Variants in COL9A1 observed in about 807,000 individuals in gnomAD.
The protein encoded by COL9A1 is collagen type IX alpha 1 chain.
A neutral mutation model predicts 142.6 loss-of-function variants in COL9A1; 104 were observed. That is an observed-to-expected ratio of 0.73 (90% CI 0.62 to 0.86). The LOEUF (loss-of-function observed/expected upper bound fraction) is 0.86, where lower values mean the gene tolerates loss of function less well. Among genes scored for constraint, COL9A1 ranks in the 40% least tolerant of loss-of-function variants. The probability of loss-of-function intolerance (pLI) is 0.00; values close to 1 mark genes in which losing one functional copy is unlikely to be tolerated. For missense variants in COL9A1, 1,210 were observed against 1,176.6 expected (o/e 1.03, Z -0.42); for synonymous variants, 466 against 396.0 (o/e 1.18, Z -2.10).
At chr6:70,289,905 C>T (rs1773594022) in intron 5 of COL9A1, among the ~76,000 whole-genome samples, 1 of 152,092 alleles carries the variant, frequency 6.6e-6, no homozygotes, top group African/African-American at 2.4e-5. Context: ...TGGAAGTTAG[C>T]GTGATTCAAT....
chr6:70,255,234 A>T (rs767927402), intron 22 of COL9A1, 31 bp from the exon 23 acceptor site: 1 of 1,613,236 alleles, frequency 6.2e-7, no homozygotes, highest in East Asian at 2.2e-5. Context: ...AATAGACAAG[A>T]CATGTTCAGT....
At chr6:70,235,409 T>C (rs12153902) in intron 33 of COL9A1, among the ~76,000 whole-genome samples, 54,543 of 151,758 alleles carry the variant, frequency 0.36, 11,834 homozygotes, top group Non-Finnish European at 0.5. Context: ...GCGGAGATCG[T>C]GCCACTGTAC....
intron 37 of COL9A1, among the ~76,000 whole-genome samples, chr6:70,220,946 A>T (rs546896150): frequency 1.3e-5 from 2 of 152,202 alleles, no homozygotes; most frequent in Non-Finnish European, 2.9e-5. Context: ...ATACAAAGAA[A>T]TGATAAATGT....
chr6:70,255,037 A>C, intron 23 of COL9A1, 21 bp from the exon 24 acceptor site: 2 of 1,613,924 alleles, frequency 1.2e-6, no homozygotes, highest in Non-Finnish European at 1.7e-6. Context: ...ACAAAGAAAC[A>C]TACTGTCTCT....
chr6:70,275,217 G>C (rs1296654419), intron 10 of COL9A1: 1 of 162,332 alleles, frequency 6.2e-6, no homozygotes, highest in African/African-American at 2.4e-5. Context: ...CTTTCTACAT[G>C]ACAACAATGT....
chr6:70,288,227 G>T (rs1159059691), intron 5 of COL9A1, among the ~76,000 whole-genome samples: 1 of 152,046 alleles, frequency 6.6e-6, no homozygotes, highest in Admixed American at 6.5e-5. Flanking sequence ...CTAAAGTAAT[G>T]GTGTCATCTT....
At chr6:70,221,017 C>T (rs530924223) in intron 37 of COL9A1, among the ~76,000 whole-genome samples, 130 of 152,046 alleles carry the variant, frequency 8.6e-4, no homozygotes, top group African/African-American at 2.9e-3. Context: ...TCTATTGAAA[C>T]ATTACTACAT....
In COL9A1 at chr6:70,283,188, G is replaced by A. The variant is rs1773283828; in HGVS notation, c.781-270C>T. The A allele has an allele frequency of 1.3e-5, 19 of 1,484,876 alleles. 1 individual carries two copies. In the South Asian group the frequency reaches 2.5e-4, roughly 20 times the overall value. 92.0% of individuals were successfully genotyped at this position (1,484,876 alleles called of 1,614,324 possible). Reference sequence around the variant, plus strand: ...CCCCGGGAGTAGCGGTTGCCAAAGCGTCCAGGCCCGGGAGGCGCGCGTTCC... The same window carrying A: ...CCCCGGGAGTAGCGGTTGCCAAAGCATCCAGGCCCGGGAGGCGCGCGTTCC... On this transcript the variant is annotated intron_variant, in intron 6 of 37. Transcript: ENST00000357250.
Position 70,281,419 on chromosome 6 carries a change from G to A in COL9A1, c.847C>T (p.Pro283Ser), listed in dbSNP as rs1038310229. Reference protein sequence around the residue: ...EQGPPGPPGPPGVPGIDGIDG... With the variant: ...EQGPPGPPGPSGVPGIDGIDG... ...ATGCCATCGATGCCTGGAACTCCAGGGGGGCCCGGAGGCCCGGGAGGACCC... is the reference window on the plus strand; with the variant it reads ...ATGCCATCGATGCCTGGAACTCCAGAGGGGCCCGGAGGCCCGGGAGGACCC... Residue 283 changes from proline (P) to serine (S), a missense_variant, in exon 8 of 38, where the codon CCT becomes TCT. Coordinates refer to ENST00000357250, the MANE Select transcript of COL9A1 (RefSeq NM_001851.6). 1.2e-6 allele frequency: 2 copies of A among 1,613,646 alleles called. No individual in the cohort carries two copies. The highest frequency in any genetic ancestry group is 1.3e-5 in the African/African-American group (1 of 74,874).
chr6:70,275,832 C>G (rs1437398269), intron 10 of COL9A1, among the ~76,000 whole-genome samples: 2 of 152,048 alleles, frequency 1.3e-5, no homozygotes, highest in South Asian at 4.2e-4. Context: ...GAAGAAGACC[C>G]AAACAATATT....
chr6:70,289,604 A>T (rs1453793302), intron 5 of COL9A1, among the ~76,000 whole-genome samples: 1 of 152,290 alleles, frequency 6.6e-6, no homozygotes, highest in East Asian at 1.9e-4. Context: ...ATCAAATCAA[A>T]ATTTTATAAA....
At chr6:70,254,621 G>T (rs1210143804) in intron 24 of COL9A1, 92 bp from the exon 25 acceptor site, 2 of 1,234,508 alleles carry the variant, frequency 1.6e-6, no homozygotes, top group African/African-American at 1.5e-5. Flanking sequence ...TTAAGTAAAA[G>T]GATTGTCCCA....
chr6:70,254,708 T>G (rs1210271943), intron 24 of COL9A1, 179 bp from the exon 25 acceptor site: 4 of 686,800 alleles, frequency 5.8e-6, no homozygotes, highest in Non-Finnish European at 1.0e-5. Flanking sequence ...AGGACATAAT[T>G]CAACCAAAAT....
intron 2 of COL9A1, 73 bp from the exon 3 acceptor site, chr6:70,300,459 A>G (rs1562334545): frequency 1.7e-6 from 1 of 571,688 alleles, no homozygotes; most frequent in Non-Finnish European, 2.7e-6. Flanking sequence ...AAATAAAATA[A>G]AATAATAATA....
At chr6:70,302,459 C>T (rs570737126) in intron 1 of COL9A1, among the ~76,000 whole-genome samples, 26 of 152,162 alleles carry the variant, frequency 1.7e-4, no homozygotes, top group Admixed American at 3.3e-4. Context: ...TCGCCCGCCT[C>T]GGCCTCCCAA....
chr6:70,241,703 A>G lies in COL9A1; in HGVS notation c.1999-249T>C, dbSNP rs190286630. 2.6e-5 allele frequency among the ~76,000 whole-genome samples: 4 copies of G among 152,348 alleles called. No homozygotes were observed. The East Asian group carries it at 5.8e-4, about 22-fold the overall frequency. ...TCCTCATAAAATTTGACTAGTAGAA[A>G]TGTAAATTGAGGGCTAAGTAGAAAG... On this transcript the variant is annotated intron_variant, in intron 30 of 37. Transcript: ENST00000357250.
chr6:70,281,516 C>A, intron 7 of COL9A1, 52 bp from the exon 8 acceptor site: 3 of 1,470,318 alleles, frequency 2.0e-6, no homozygotes, highest in Non-Finnish European at 2.8e-6. Flanking sequence ...CAACAGGGAG[C>A]AACTGAGCGC....
intron 28 of COL9A1, among the ~76,000 whole-genome samples, chr6:70,243,328 C>G (rs1770384645): frequency 6.6e-6 from 1 of 152,122 alleles, no homozygotes; most frequent in Middle Eastern, 3.2e-3. Context: ...GAAAGTAGAA[C>G]TTATAACGAA....
chr6:70,253,480 A>G, intron 25 of COL9A1, 51 bp from the exon 26 acceptor site: 1 of 1,318,774 alleles, frequency 7.6e-7, no homozygotes, highest in East Asian at 2.3e-5. Context: ...CTGAGAATCC[A>G]TGAGATGCCA....
Sources: gnomAD v4.1 joint callset for allele counts (sites outside exome capture counted in the v4.1 genomes callset) on GRCh38, gnomAD v4.1.1 for gene constraint, MANE v1.5 for transcripts, NCBI Gene and HGNC (gene_info 2026-07-23, HGNC 2026-07-21) for gene names.